The following RALY variants were observed in gnomAD, a reference collection of about 807,000 sequenced individuals.
RALY encodes RNA-binding protein Raly.
Under a neutral mutation model 30.7 loss-of-function variants are expected in RALY, and 15 were observed. The ratio of observed to expected loss-of-function variants is 0.49; its 90% CI spans 0.33 to 0.75. RALY has a LOEUF of 0.75. RALY is among the 30% of genes least tolerant of loss of function. The pLI, the probability that RALY is intolerant of heterozygous loss-of-function variation, is 0.02. For synonymous variants in RALY, 177 were observed against 170.8 expected, an observed-to-expected ratio of 1.04 and a Z score of -0.28; for missense variants, 339 against 414.3, an observed-to-expected ratio of 0.82 and a Z score of 1.58.
intron 2 of RALY, among the ~76,000 whole-genome samples, chr20:34,037,919 G>A (rs933068888): frequency 2.0e-5 from 3 of 152,172 alleles, no homozygotes; most frequent in Admixed American, 6.5e-5. Context: ...ATGCAGGAGC[G>A]GGTATCTGTG....
intron 7 of RALY, 44 bp downstream of exon 7, chr20:34,076,859 A>C (rs1568700105): frequency 6.2e-7 from 1 of 1,603,096 alleles, no homozygotes; most frequent in Non-Finnish European, 8.5e-7. Context: ...ACCAGGGCAC[A>C]GGGCAGAGCA....
At chr20:34,079,624 C>G (rs1359270365) in intron 9 of RALY, among the ~76,000 whole-genome samples, 1 of 152,202 alleles carries the variant, frequency 6.6e-6, no homozygotes, top group Non-Finnish European at 1.5e-5. Context: ...AACAAACCTC[C>G]ATATCCAGCC....
chr20:34,045,629 C>G (rs1184042663), intron 2 of RALY, among the ~76,000 whole-genome samples: 1 of 152,218 alleles, frequency 6.6e-6, no homozygotes, highest in Non-Finnish European at 1.5e-5. Context: ...CCTTTGCTCT[C>G]TGCCATCTTC....
intron 2 of RALY, among the ~76,000 whole-genome samples, chr20:34,041,765 A>G (rs1159555417): frequency 6.6e-6 from 1 of 152,208 alleles, no homozygotes; most frequent in Non-Finnish European, 1.5e-5. Context: ...ATTGACAATC[A>G]TCAAGTTTAC....
At chr20:34,017,132 C>G (rs1463120498) in intron 1 of RALY, among the ~76,000 whole-genome samples, 11 of 17,200 alleles carry the variant, frequency 6.4e-4, no homozygotes, top group Non-Finnish European at 2.9e-4. Flanking sequence ...TAAACTCTTA[C>G]CTAATGTGAT....
chr20:34,073,889 C>T, intron 5 of RALY, 23 bp downstream of exon 5: 2 of 1,612,004 alleles, frequency 1.2e-6, no homozygotes, highest in Non-Finnish European at 1.7e-6. Context: ...GGGGCGTGCC[C>T]AGGCATGAAA....
intron 1 of RALY, among the ~76,000 whole-genome samples, chr20:34,011,980 C>T (rs1389795363): frequency 1.3e-5 from 2 of 151,708 alleles, no homozygotes; most frequent in East Asian, 1.9e-4. Context: ...GCATGAGAAT[C>T]GTTTGAACCC....
At chr20:34,053,080 G>A (rs555318672) in intron 2 of RALY, among the ~76,000 whole-genome samples, 44 of 151,448 alleles carry the variant, frequency 2.9e-4, no homozygotes, top group African/African-American at 9.7e-4. Context: ...GGCTGATCTC[G>A]AACTCCTGAC....
rs187237269 is a variant in RALY at position 34,034,875 on chromosome 20, G to A, written c.-10+3271G>A. On this transcript the variant is annotated intron_variant, in intron 2 of 9. Coordinates refer to ENST00000246194, the MANE Select transcript of RALY (RefSeq NM_016732.3). ...AGAAGTTAAAACAACAGTCTGGGCC[G>A]GGTGCGGTGGCTCACGCCTGTAATC... Among the ~76,000 whole-genome samples, 37 of 152,168 alleles carry A rather than the reference G, an allele frequency of 2.4e-4. No homozygotes were observed. The East Asian group carries it at 6.8e-3, about 28-fold the overall frequency.
rs1568695470 is a variant in RALY at position 34,072,180 on chromosome 20, T to C, written c.106T>C (p.Ser36Pro). ...GNLNTALVKK[S>P]DVETIFSKYG... is the part of the protein sequence containing the mutation. ...CCTCAACACAGCTCTGGTGAAGAAA[T>C]CAGATGTGGAGACCATCTTCTCTAA... is the stretch of plus-strand genomic sequence containing the variant. The change falls in exon 3 of 10, where the codon TCA becomes CCA. Residue 36 changes from serine to proline, a missense_variant. By Grantham distance (74) the Ser-to-Pro change is moderately conservative (BLOSUM62 -1). Transcript: ENST00000246194. 6.2e-7 allele frequency: 1 copy of C among 1,614,072 alleles called. No individual in the cohort carries two copies. Among genetic ancestry groups the C allele is most frequent in the Admixed American group, 1.7e-5 (1 of 60,008 alleles).
At chr20:34,067,207 T>C (rs1046713782) in intron 2 of RALY, among the ~76,000 whole-genome samples, 24 of 152,240 alleles carry the variant, frequency 1.6e-4, no homozygotes, top group Admixed American at 1.5e-3. Context: ...CTTTTTTTCT[T>C]TTTTTGACGG....
chr20:34,056,784 G>C (rs887994465), intron 2 of RALY, among the ~76,000 whole-genome samples: 21 of 152,180 alleles, frequency 1.4e-4, no homozygotes, highest in Non-Finnish European at 8.8e-5. Flanking sequence ...AATACATGGT[G>C]CTGCGAGGTT....
chr20:34,031,289 G>A (rs2032269390), intron 1 of RALY, among the ~76,000 whole-genome samples: 2 of 144,692 alleles, frequency 1.4e-5, no homozygotes, highest in South Asian at 2.2e-4. Flanking sequence ...TTGAACTCCT[G>A]ACTTCAGGTG....
intron 1 of RALY, among the ~76,000 whole-genome samples, chr20:34,027,355 T>A (rs2032082367): frequency 6.6e-6 from 1 of 152,164 alleles, no homozygotes; most frequent in Non-Finnish European, 1.5e-5. Flanking sequence ...GGACATGTCA[T>A]CACCTACTTC....
chr20:34,069,882 T>C lies in RALY; in HGVS notation c.-9-2184T>C, dbSNP rs931229985. On this transcript the variant is annotated intron_variant, in intron 2 of 9. Transcript: ENST00000246194. ...TTCATCAGTAGCAGTGATGGGACCC[T>C]CTCAGCCCCTTTCCTTTATCTGAGA... Among the ~76,000 whole-genome samples, 4 of 152,164 alleles carry C rather than the reference T, an allele frequency of 2.6e-5. No homozygotes were observed. In the East Asian group the frequency reaches 7.7e-4, roughly 29 times the overall value.
At chr20:34,022,624 A>G (rs920092564) in intron 1 of RALY, among the ~76,000 whole-genome samples, 2 of 152,064 alleles carry the variant, frequency 1.3e-5, no homozygotes, top group African/African-American at 4.8e-5. Flanking sequence ...CTGCCACTCT[A>G]CTGAGCCTCC....
At chr20:34,051,433 A>T (rs2033074028) in intron 2 of RALY, among the ~76,000 whole-genome samples, 1 of 152,180 alleles carries the variant, frequency 6.6e-6, no homozygotes, top group East Asian at 1.9e-4. Context: ...TAATACGAGG[A>T]TAACAATGTC....
At chr20:34,076,666 C>A (rs369462188) in intron 6 of RALY, 36 bp from the exon 7 acceptor site, 2 of 1,574,214 alleles carry the variant, frequency 1.3e-6, no homozygotes, top group African/African-American at 2.7e-5. Context: ...GCCTCCAGCC[C>A]CCTAGGTGAC....
chr20:34,022,949 C>G (rs1601426105), intron 1 of RALY, among the ~76,000 whole-genome samples: 1 of 152,144 alleles, frequency 6.6e-6, no homozygotes, highest in South Asian at 2.1e-4. Flanking sequence ...GCTTGAAATT[C>G]ACTACCTTCA....
Sources: allele counts gnomAD v4.1 joint callset (sites outside exome capture counted in the v4.1 genomes callset), GRCh38; gene constraint gnomAD v4.1.1; transcripts MANE v1.5; gene names NCBI Gene and HGNC (gene_info 2026-07-23, HGNC 2026-07-21).